The following LRBA variants were observed in gnomAD, a reference collection of about 807,000 sequenced individuals.
LRBA encodes the protein lipopolysaccharide-responsive and beige-like anchor protein.
LRBA carries 176 observed loss-of-function variants against 330.0 expected under a neutral mutation model. The ratio of observed to expected loss-of-function variants is 0.53; its 90% CI spans 0.47 to 0.60. The LOEUF (loss-of-function observed/expected upper bound fraction) is 0.60. Ranked by LOEUF, LRBA falls within the 20% of genes least tolerant of loss-of-function variation. LRBA has a pLI of 0.00. For synonymous variants in LRBA, 1,230 were observed against 1,193.0 expected (o/e 1.03, Z -0.64); for missense variants, 3,259 against 3,444.8 (o/e 0.95, Z 1.35).
intron 40 of LRBA, among the ~76,000 whole-genome samples, chr4:150,522,095 C>T (rs1279091712): frequency 6.6e-6 from 1 of 151,976 alleles, no homozygotes; most frequent in Admixed American, 6.6e-5. Flanking sequence ...TTCTGGAGGA[C>T]AGAAATAAAA....
intron 37 of LRBA, among the ~76,000 whole-genome samples, chr4:150,608,112 G>C (rs557817298): frequency 5.9e-5 from 9 of 152,268 alleles, no homozygotes; most frequent in Non-Finnish European, 1.3e-4. Flanking sequence ...TTGGGAAGCA[G>C]AGGTGGGAGC....
intron 40 of LRBA, among the ~76,000 whole-genome samples, chr4:150,537,941 C>T (rs542173015): frequency 1.3e-5 from 2 of 151,708 alleles, no homozygotes; most frequent in African/African-American, 2.4e-5. Flanking sequence ...GGTGACAGAG[C>T]GAGACTCTGT....
intron 35 of LRBA, 109 bp from the exon 36 acceptor site, chr4:150,735,475 A>G: frequency 2.7e-6 from 2 of 733,526 alleles, no homozygotes; most frequent in Non-Finnish European, 4.8e-6. Flanking sequence ...TTCTTTTGAC[A>G]TCATACACAA....
chr4:150,624,015 C>T (rs1435231175), intron 37 of LRBA, among the ~76,000 whole-genome samples: 2 of 152,044 alleles, frequency 1.3e-5, no homozygotes. Flanking sequence ...CATACACATA[C>T]CAAAAAGGTA....
At chr4:150,901,042 A>G (rs1730665408) in intron 13 of LRBA, among the ~76,000 whole-genome samples, 1 of 152,190 alleles carries the variant, frequency 6.6e-6, no homozygotes, top group South Asian at 2.1e-4. Flanking sequence ...TCACGCCTGT[A>G]ATTTCAGCAT....
intron 2 of LRBA, among the ~76,000 whole-genome samples, chr4:150,950,600 C>A (rs1736726928): frequency 6.6e-6 from 1 of 151,110 alleles, no homozygotes; most frequent in Non-Finnish European, 1.5e-5. Context: ...ACTTTTAGAT[C>A]TTTATAATAA....
chr4:150,906,553 A>G, intron 11 of LRBA, 148 bp from the exon 12 acceptor site: 1 of 539,804 alleles, frequency 1.9e-6, no homozygotes, highest in Non-Finnish European at 3.3e-6. Context: ...TTCCAACATT[A>G]CATCAGAACT....
intron 36 of LRBA, among the ~76,000 whole-genome samples, chr4:150,716,419 T>C (rs1728211868): frequency 1.3e-5 from 2 of 152,092 alleles, no homozygotes; most frequent in Admixed American, 1.3e-4. Context: ...GGGTAAAAAA[T>C]AGGTATGACC....
chr4:150,525,018 A>C (rs1011704844), intron 40 of LRBA, among the ~76,000 whole-genome samples: 3 of 152,140 alleles, frequency 2.0e-5, no homozygotes, highest in Admixed American at 6.5e-5. Flanking sequence ...ATTTGTTTGG[A>C]AAGTTTGGGA....
chr4:150,778,777 T>C (rs1737767927), intron 34 of LRBA, among the ~76,000 whole-genome samples: 1 of 152,194 alleles, frequency 6.6e-6, no homozygotes, highest in Non-Finnish European at 1.5e-5. Context: ...ACACGGTCAG[T>C]CTGTTTGGCA....
chr4:150,823,268 G>A (rs112858826), intron 30 of LRBA, among the ~76,000 whole-genome samples: 72 of 152,082 alleles, frequency 4.7e-4, no homozygotes, highest in East Asian at 3.3e-3. Flanking sequence ...TTATCATTTC[G>A]TTTAAAATGT....
At chr4:150,732,623 G>T (rs942549319) in intron 36 of LRBA, among the ~76,000 whole-genome samples, 12 of 151,954 alleles carry the variant, frequency 7.9e-5, no homozygotes, top group African/African-American at 2.9e-4. Flanking sequence ...TGTCTATTGG[G>T]TTGTTTTTCT....
In LRBA at chr4:150,567,259, T is replaced by A. The variant is rs556014499; in HGVS notation, c.6330+20789A>T. 1.1e-4 allele frequency among the ~76,000 whole-genome samples: 17 copies of A among 152,236 alleles called. No homozygotes were observed. The South Asian group carries it at 3.5e-3, about 32-fold the overall frequency. On this transcript the variant is annotated intron_variant, in intron 40 of 56. Coordinates refer to ENST00000651943, the MANE Select transcript of LRBA (RefSeq NM_001364905.1). Reference sequence around the variant, plus strand: ...TTCCAGATCTCTATATATTATCTGATCATGTCGCAACATTTCAGAGTAGGA... The same window carrying A: ...TTCCAGATCTCTATATATTATCTGAACATGTCGCAACATTTCAGAGTAGGA...
intron 36 of LRBA, among the ~76,000 whole-genome samples, chr4:150,709,142 AGGTTCAAT>A (rs2127027950): frequency 6.6e-6 from 1 of 151,652 alleles, no homozygotes; most frequent in African/African-American, 2.4e-5. Flanking sequence ...AGACTCAGAG[AGGTTCAAT>A]GAATTTTATC....
intron 40 of LRBA, among the ~76,000 whole-genome samples, chr4:150,546,838 T>C (rs1765915941): frequency 6.6e-6 from 1 of 152,206 alleles, no homozygotes; most frequent in Non-Finnish European, 1.5e-5. Flanking sequence ...GCTCTCTACA[T>C]TGGTTTTAAT....
chr4:150,721,805 TG>T (rs1280713332), intron 36 of LRBA, among the ~76,000 whole-genome samples: 1 of 151,964 alleles, frequency 6.6e-6, no homozygotes, highest in Non-Finnish European at 1.5e-5. Context: ...TTGGTAGAGA[TG>T]GGGTTTCATC....
chr4:150,957,602 C>A lies in LRBA; in HGVS notation c.217-28537G>T, dbSNP rs538114907. 4.7e-5 allele frequency among the ~76,000 whole-genome samples: 7 copies of A among 148,696 alleles called. 1 individual carries two copies. Among genetic ancestry groups the A allele is most frequent in the Non-Finnish European group, 7.4e-5 (5 of 68,008 alleles). On this transcript the variant is annotated intron_variant, in intron 2 of 56. Transcript: ENST00000651943. ...AATCATGCCTTCCCAACAGTCCCCC[C>A]AGTCTTAACCCATTTTAGCATTAAC... is the stretch of plus-strand genomic sequence containing the variant.
chr4:150,796,671 A>C (rs1362169935), intron 34 of LRBA, among the ~76,000 whole-genome samples: 1 of 151,926 alleles, frequency 6.6e-6, no homozygotes, highest in Non-Finnish European at 1.5e-5. Context: ...ACTATATTGG[A>C]AATAGCTTCC....
chr4:150,339,986 C>T (rs958730087), intron 48 of LRBA, among the ~76,000 whole-genome samples: 1 of 151,996 alleles, frequency 6.6e-6, no homozygotes, highest in Non-Finnish European at 1.5e-5. Context: ...TGGTTTCCCC[C>T]ATACTATTCT....
Sources: allele counts gnomAD v4.1 joint callset (sites outside exome capture counted in the v4.1 genomes callset), GRCh38; gene constraint gnomAD v4.1.1; transcripts MANE v1.5; gene names NCBI Gene and HGNC (gene_info 2026-07-23, HGNC 2026-07-21).